Variants in PXT1 observed in about 807,000 individuals in gnomAD.
PXT1 encodes peroxisomal testis enriched protein 1.
In PXT1, 11 loss-of-function variants were observed where a neutral mutation model predicts 11.0. The ratio of observed to expected loss-of-function variants is 1.00; its 90% CI spans 0.63 to 1.66. PXT1 has a LOEUF of 1.66. Among genes scored for constraint, PXT1 ranks in the 40% most tolerant of loss-of-function variants. The pLI, the probability that PXT1 is intolerant of heterozygous loss-of-function variation, is 0.00. For synonymous variants in PXT1, 43 were observed against 51.4 expected, an observed-to-expected ratio of 0.84 and a Z score of 0.70; for missense variants, 141 against 155.5, an observed-to-expected ratio of 0.91 and a Z score of 0.49.
chr6:36,427,842 C>G (rs1774630717), intron 2 of PXT1, among the ~76,000 whole-genome samples: 1 of 152,080 alleles, frequency 6.6e-6, no homozygotes, highest in Non-Finnish European at 1.5e-5. Flanking sequence ...GGACGGCCAG[C>G]CATACAAACC....
At position 36,414,035 on chromosome 6, in the gene PXT1, G is replaced by A. The variant is rs115099740; in HGVS notation, c.169+11879C>T. ...AAATAAAAATTAAAAATATGGGAGCGTTTAATGAAGACATTTGCACACATG... is the reference window on the plus strand; with the variant it reads ...AAATAAAAATTAAAAATATGGGAGCATTTAATGAAGACATTTGCACACATG... On this transcript the variant is annotated intron_variant, in intron 3 of 4. Transcript: ENST00000454782. Among the ~76,000 whole-genome samples the A allele has an allele frequency of 8.4e-3, 1,276 of 152,198 alleles. 18 individuals carry two copies. Among genetic ancestry groups the A allele is most frequent in the African/African-American group, 0.029 (1,209 of 41,516 alleles).
intron 3 of PXT1, among the ~76,000 whole-genome samples, chr6:36,420,706 T>C (rs1325821044): frequency 6.6e-6 from 1 of 152,198 alleles, no homozygotes; most frequent in Non-Finnish European, 1.5e-5. Context: ...AAAATTAAAA[T>C]TGGTAAGTCA....
At chr6:36,411,233 T>C (rs952611642) in intron 3 of PXT1, among the ~76,000 whole-genome samples, 8 of 152,158 alleles carry the variant, frequency 5.3e-5, no homozygotes, top group Non-Finnish European at 8.8e-5. Context: ...GTGGATCACC[T>C]GAGGTCAGGA....
chr6:36,409,877 AGAAGGAAG>A (rs558502822), intron 3 of PXT1, among the ~76,000 whole-genome samples: 1 of 133,028 alleles, frequency 7.5e-6, no homozygotes, highest in Non-Finnish European at 1.6e-5. Flanking sequence ...AGAAAAGAAA[AGAAGGAAG>A]GAAGGAAGGA....
At chr6:36,407,661 G>A (rs6928287) in intron 3 of PXT1, among the ~76,000 whole-genome samples, 38,762 of 150,784 alleles carry the variant, frequency 0.26, 5,014 homozygotes, top group East Asian at 0.39. Flanking sequence ...CTGCCTCCGC[G>A]TCCAAAGTGT....
chr6:36,399,561 A>T (rs1456993857), intron 4 of PXT1, among the ~76,000 whole-genome samples: 1 of 152,198 alleles, frequency 6.6e-6, no homozygotes, highest in Non-Finnish European at 1.5e-5. Context: ...AGTATAAAAG[A>T]GTACACGGCA....
intron 3 of PXT1, among the ~76,000 whole-genome samples, chr6:36,416,283 C>T (rs772056665): frequency 6.6e-5 from 10 of 152,030 alleles, no homozygotes; most frequent in Non-Finnish European, 1.2e-4. Context: ...CAGGAGCTGG[C>T]GGCTGCAGTG....
intron 3 of PXT1, 133 bp from the exon 4 acceptor site, chr6:36,400,717 C>T: frequency 1.1e-6 from 1 of 947,958 alleles, no homozygotes. Flanking sequence ...GCCTGTAATC[C>T]CAGCACTTTA....
At chr6:36,403,050 G>A (rs1302042685) in intron 3 of PXT1, among the ~76,000 whole-genome samples, 2 of 151,948 alleles carry the variant, frequency 1.3e-5, no homozygotes, top group Non-Finnish European at 2.9e-5. Flanking sequence ...AGTAAAGATG[G>A]GGTTTCACCA....
chr6:36,436,826 A>C (rs989848322), intron 2 of PXT1, among the ~76,000 whole-genome samples: 1 of 152,212 alleles, frequency 6.6e-6, no homozygotes, highest in African/African-American at 2.4e-5. Context: ...TTAAATTCTT[A>C]CTATGTGTCA....
chr6:36,430,033 C>A (rs913130967), intron 2 of PXT1, among the ~76,000 whole-genome samples: 2 of 151,678 alleles, frequency 1.3e-5, no homozygotes, highest in African/African-American at 4.8e-5. Flanking sequence ...ATGGCAAAAC[C>A]TTGTCTCTAC....
At chr6:36,400,648 C>T in intron 3 of PXT1, 64 bp from the exon 4 acceptor site, 1 of 1,504,076 alleles carries the variant, frequency 6.6e-7, no homozygotes, top group Non-Finnish European at 9.0e-7. Context: ...AATCACTTAC[C>T]ACTAGTTACT....
At chr6:36,432,192 G>T (rs1291785663) in intron 2 of PXT1, among the ~76,000 whole-genome samples, 2 of 152,160 alleles carry the variant, frequency 1.3e-5, no homozygotes, top group African/African-American at 4.8e-5. Context: ...TGATGTTTAA[G>T]TTAGGACCTA....
At chr6:36,406,308 G>A (rs1215123264) in intron 3 of PXT1, among the ~76,000 whole-genome samples, 1 of 152,098 alleles carries the variant, frequency 6.6e-6, no homozygotes, top group African/African-American at 2.4e-5. Context: ...AGTCCCAAAA[G>A]GAACAGGGTC....
chr6:36,422,024 G>A (rs564647526), intron 3 of PXT1, among the ~76,000 whole-genome samples: 4 of 151,992 alleles, frequency 2.6e-5, no homozygotes, highest in South Asian at 4.1e-4. Context: ...CATATCCTAC[G>A]ATTTGTTACA....
intron 3 of PXT1, among the ~76,000 whole-genome samples, chr6:36,408,944 G>A (rs575883793): frequency 2.0e-5 from 3 of 152,124 alleles, no homozygotes; most frequent in South Asian, 4.1e-4. Context: ...AAATACTATT[G>A]TACTTTGAGA....
chr6:36,409,186 T>A (rs1356653070), intron 3 of PXT1, among the ~76,000 whole-genome samples: 1 of 152,084 alleles, frequency 6.6e-6, no homozygotes, highest in Non-Finnish European at 1.5e-5. Flanking sequence ...TCTCCATCTC[T>A]CCTAATCTCC....
At chr6:36,403,010 C>A (rs1429062697) in intron 3 of PXT1, among the ~76,000 whole-genome samples, 3 of 151,548 alleles carry the variant, frequency 2.0e-5, no homozygotes, top group African/African-American at 7.3e-5. Context: ...TATCTCAGCA[C>A]CACCACGCCC....
At chr6:36,399,657 A>G (rs1774188255) in intron 4 of PXT1, among the ~76,000 whole-genome samples, 2 of 152,180 alleles carry the variant, frequency 1.3e-5, no homozygotes, top group Admixed American at 6.5e-5. Flanking sequence ...AAGGGCAAGA[A>G]GTTGGGCTCT....
Sources: allele counts gnomAD v4.1 joint callset (sites outside exome capture counted in the v4.1 genomes callset), GRCh38; gene constraint gnomAD v4.1.1; transcripts MANE v1.5; gene names NCBI Gene and HGNC (gene_info 2026-07-23, HGNC 2026-07-21).